Variants in SLC35A2 observed in about 807,000 individuals in gnomAD.
SLC35A2 encodes UDP-galactose translocator.
Under a neutral mutation model 17.3 loss-of-function variants are expected in SLC35A2, and 1 was observed. That is an observed-to-expected ratio of 0.06 (90% confidence interval 0.02 to 0.27). SLC35A2 has a LOEUF of 0.27. Among genes scored for constraint, SLC35A2 ranks in the 10% least tolerant of loss-of-function variants. SLC35A2 has a pLI of 1.00. For missense variants in SLC35A2, 191 were observed against 339.3 expected (o/e 0.56, Z 3.43); for synonymous variants, 161 against 161.3 (o/e 1.00, Z 0.01).
intron 3 of SLC35A2, chrX:48,905,880 T>C (rs1433106532): frequency 3.8e-6 from 1 of 260,984 alleles, no homozygotes; most frequent in Non-Finnish European, 6.8e-6. Context: ...AATACTTACA[T>C]AGTGCTTACA....
Position 48,911,625 on chromosome X carries a change from A to C in SLC35A2, c.12T>G (p.Val4=), listed in dbSNP as rs782793880. The part of the protein sequence containing the change: MAA[V]GAGGSTAAPG... The stretch of plus-strand genomic sequence containing the variant: ...GCGCCGCGGTGGAACCACCAGCCCC[A>C]ACCGCTGCCATGTTGGCATCTGCCC... The change falls in exon 1 of 5, where the codon GTT becomes GTG. Residue 4 remains valine, a synonymous_variant. Coordinates refer to ENST00000247138, the MANE Select transcript of SLC35A2 (RefSeq NM_005660.3). 2.4e-4 allele frequency: 282 copies of C among 1,161,770 alleles called. No homozygotes were observed. Among genetic ancestry groups the C allele is most frequent in the Middle Eastern group, 8.0e-4 (3 of 3,765 alleles).
At chrX:48,911,748 G>T (rs898598564), upstream of SLC35A2, 3 of 1,159,916 alleles carry the variant, frequency 2.6e-6, no homozygotes, top group East Asian at 6.5e-5. Flanking sequence ...GGATCGTCAG[G>T]GTGGTGGCTT....
intron 2 of SLC35A2, 27 bp from the exon 3 acceptor site, chrX:48,906,570 T>A: frequency 8.3e-7 from 1 of 1,202,967 alleles, no homozygotes; most frequent in Non-Finnish European, 1.1e-6. Context: ...GAGCCCTTCT[T>A]AGCACTGACA....
In SLC35A2 at chrX:48,903,303, TG is replaced by T; in HGVS notation, c.*134del. ...AGAGCTTAGTCATGTTGGCCCTGGG[TG>T]GGGCAGGGGTGGTGGGGACAGGGAG... On this transcript the variant is annotated 3_prime_UTR_variant, in exon 5 of 5. Transcript: ENST00000247138. 1 of 648,544 alleles carries T rather than the reference TG, an allele frequency of 1.5e-6. No homozygotes were observed. Among genetic ancestry groups the T allele is most frequent in the Non-Finnish European group, 2.5e-6 (1 of 398,560 alleles). 53.4% of individuals were successfully genotyped at this position (648,544 alleles called of 1,213,427 possible).
intron 1 of SLC35A2, chrX:48,910,260 A>T: frequency 2.6e-6 from 3 of 1,150,256 alleles, no homozygotes; most frequent in South Asian, 1.9e-5. Context: ...GGTGTCAGGT[A>T]ATGGCTGAGG....
chrX:48,909,972 G>C lies in SLC35A2; in HGVS notation c.116C>G (p.Ser39Cys). 1.7e-6 allele frequency: 2 copies of C among 1,210,281 alleles called. No homozygotes were observed. The highest frequency in any genetic ancestry group is 3.5e-5 in the South Asian group (2 of 56,511). The change falls in exon 2 of 5, where the codon TCC (serine) becomes TGC (cysteine). Residue 39 changes from serine to cysteine, a missense_variant. Around this residue, in one of 2 missense-constraint regions of SLC35A2, gnomAD observed 164 missense variants for 315.3 expected, o/e 0.52. Transcript: ENST00000247138. Reference sequence around the variant, plus strand: ...ATTCTGGACCACCAGCACAGCTAGGGATATGTACTTCAGGCGCCTGTGAGC... The same window carrying C: ...ATTCTGGACCACCAGCACAGCTAGGCATATGTACTTCAGGCGCCTGTGAGC... ...SAAHRRLKYISLAVLVVQNAS... is the reference protein window; with the variant it reads ...SAAHRRLKYICLAVLVVQNAS...
intron 1 of SLC35A2, 166 bp from the exon 2 acceptor site, chrX:48,910,162 G>A (rs1311799584): frequency 2.0e-5 from 18 of 920,567 alleles, no homozygotes; most frequent in South Asian, 6.3e-5. Flanking sequence ...GACTCCTACC[G>A]GCTTACTGCC....
intron 3 of SLC35A2, 99 bp downstream of exon 3, chrX:48,906,293 A>G (rs2063489418): frequency 1.3e-6 from 1 of 774,729 alleles, no homozygotes; most frequent in Non-Finnish European, 1.9e-6. Flanking sequence ...AAGGTGACAT[A>G]GCCCCTGTCC....
rs781951327 is a variant in SLC35A2, at chrX:48,905,186, G to A, written c.723C>T (p.Phe241=). 64 of 1,209,726 alleles carry A rather than the reference G, an allele frequency of 5.3e-5. No individual in the cohort carries two copies. Among genetic ancestry groups the A allele is most frequent in the Non-Finnish European group, 6.8e-5 (61 of 894,433 alleles). The part of the protein sequence containing the change: ...VWLRNLQLGL[F]GTALGLVGLW... The stretch of plus-strand genomic sequence containing the variant: ...GCCCCACCAGGCCCAGTGCTGTGCC[G>A]AAGAGGCCCAGTTGCAGGTTGCGCA... Residue 241 remains phenylalanine (F), a synonymous_variant, in exon 4 of 5, where the codon TTC becomes TTT. Transcript: ENST00000247138.
chrX:48,906,052 G>A, intron 3 of SLC35A2: 1 of 395,389 alleles, frequency 2.5e-6, no homozygotes, highest in Non-Finnish European at 4.4e-6. Flanking sequence ...CTGGAAGGTA[G>A]CAGAGCTGAG....
At chrX:48,904,288 C>A in intron 4 of SLC35A2, 1 of 979,104 alleles carries the variant, frequency 1.0e-6, no homozygotes, top group Non-Finnish European at 1.3e-6. Context: ...CAACTGAACC[C>A]CACAGGTAGG....
At chrX:48,909,181 G>A (rs1266784524) in intron 2 of SLC35A2, among the ~76,000 whole-genome samples, 2 of 112,229 alleles carry the variant, frequency 1.8e-5, no homozygotes, top group African/African-American at 6.5e-5. Flanking sequence ...CCAGCACTTT[G>A]GGAGGCTGAG....
chrX:48,911,452 G>A, intron 1 of SLC35A2, 94 bp downstream of exon 1: 2 of 1,063,802 alleles, frequency 1.9e-6, no homozygotes, highest in Non-Finnish European at 2.5e-6. Flanking sequence ...CGGTCCACAC[G>A]GGATGCTCCC....
At chrX:48,910,066 C>T in intron 1 of SLC35A2, 70 bp from the exon 2 acceptor site, 1 of 995,158 alleles carries the variant, frequency 1.0e-6, no homozygotes, top group Non-Finnish European at 1.4e-6. Flanking sequence ...CACACCACCA[C>T]CCACCCCCTT....
intron 2 of SLC35A2, among the ~76,000 whole-genome samples, chrX:48,908,123 C>T (rs1325588808): frequency 1.1e-4 from 1 of 8,893 alleles, no homozygotes; most frequent in African/African-American, 4.9e-4. Flanking sequence ...TTTGGCGGGG[C>T]GGGGTGGGTG....
intron 2 of SLC35A2, 118 bp downstream of exon 2, chrX:48,909,696 G>A (rs782507123): frequency 1.5e-4 from 94 of 634,361 alleles, no homozygotes; most frequent in Non-Finnish European, 2.2e-4. Context: ...CTGGAGTGGC[G>A]CTCCAGGCAG....
chrX:48,905,850 T>C (rs1383669371), intron 3 of SLC35A2: 1 of 270,398 alleles, frequency 3.7e-6, no homozygotes, highest in African/African-American at 2.8e-5. Flanking sequence ...AATGAATCAA[T>C]AGCCACAACA....
chrX:48,907,133 C>T (rs782808844), intron 2 of SLC35A2, among the ~76,000 whole-genome samples: 103 of 101,553 alleles, frequency 1.0e-3, no homozygotes, highest in African/African-American at 3.4e-3. Context: ...CATGCCATTG[C>T]ACTCCAGCCT....
chrX:48,906,661 G>A, intron 2 of SLC35A2, 118 bp from the exon 3 acceptor site: 1 of 637,480 alleles, frequency 1.6e-6, no homozygotes, highest in Non-Finnish European at 2.4e-6. Context: ...TCCAATCCCT[G>A]GAGGCTGGAA....
Sources: gnomAD v4.1 joint callset for allele counts (sites outside exome capture counted in the v4.1 genomes callset) on GRCh38, gnomAD v4.1.1 for gene constraint, gnomAD v4.1.1 regional missense constraint, MANE v1.5 for transcripts, NCBI Gene and HGNC (gene_info 2026-07-23, HGNC 2026-07-21) for gene names.